Variants in SLC4A4 observed in about 807,000 individuals in gnomAD.
SLC4A4 encodes the protein electrogenic sodium bicarbonate cotransporter 1.
SLC4A4 carries 27 observed loss-of-function variants against 111.5 expected under a neutral mutation model. That is an observed-to-expected ratio of 0.24 (90% confidence interval 0.18 to 0.33). The LOEUF (loss-of-function observed/expected upper bound fraction) is 0.33. Among genes scored for constraint, SLC4A4 ranks in the 10% least tolerant of loss-of-function variants. SLC4A4 has a pLI of 1.00. For missense variants in SLC4A4, 909 were observed against 1,315.5 expected, an observed-to-expected ratio of 0.69 and a Z score of 4.78; for synonymous variants, 443 against 463.4, an observed-to-expected ratio of 0.96 and a Z score of 0.57.
At chr4:71,392,450 C>G (rs1274348537) in intron 6 of SLC4A4, among the ~76,000 whole-genome samples, 11 of 152,052 alleles carry the variant, frequency 7.2e-5, no homozygotes, top group Non-Finnish European at 2.9e-5. Context: ...AGTATAGATA[C>G]TGTTAAGATA....
chr4:71,307,319 A>G (rs917525024), intron 3 of SLC4A4, among the ~76,000 whole-genome samples: 4 of 152,142 alleles, frequency 2.6e-5, no homozygotes, highest in African/African-American at 9.7e-5. Flanking sequence ...CCTTCACCCC[A>G]TGCCTCACTG....
chr4:71,163,275 G>T (rs1182658419), intron 2 of SLC4A4, among the ~76,000 whole-genome samples: 2 of 152,186 alleles, frequency 1.3e-5, no homozygotes, highest in Non-Finnish European at 2.9e-5. Context: ...TGCACTTCAT[G>T]GTGTGTGGCA....
chr4:71,281,205 C>T (rs577696508), intron 3 of SLC4A4, among the ~76,000 whole-genome samples: 5 of 152,250 alleles, frequency 3.3e-5, no homozygotes, highest in South Asian at 2.1e-4. Flanking sequence ...AGATGCTAGA[C>T]GTTGTGTTTA....
chr4:71,326,385 T>C (rs189367369), intron 3 of SLC4A4, among the ~76,000 whole-genome samples: 4 of 152,076 alleles, frequency 2.6e-5, no homozygotes, highest in East Asian at 1.9e-4. Context: ...CTGTATGACA[T>C]TGAGTAATTT....
At chr4:71,414,762 A>G (rs776769998) in intron 7 of SLC4A4, among the ~76,000 whole-genome samples, 17 of 152,230 alleles carry the variant, frequency 1.1e-4, no homozygotes, top group Non-Finnish European at 2.1e-4. Context: ...TTTCTTTCCT[A>G]ATGGCAGCTG....
At chr4:71,317,075 CGT>C (rs3039073) in intron 3 of SLC4A4, among the ~76,000 whole-genome samples, 43,318 of 147,340 alleles carry the variant, frequency 0.29, 6,710 homozygotes, top group South Asian at 0.49. Context: ...TGTGTGTGTG[CGT>C]GTGTGTGTGT....
At chr4:71,237,874 A>C (rs184860456) in intron 2 of SLC4A4, among the ~76,000 whole-genome samples, 4 of 152,332 alleles carry the variant, frequency 2.6e-5, no homozygotes, top group Admixed American at 2.6e-4. Context: ...AACGGAAACT[A>C]CAGTATTTTC....
chr4:71,243,105 A>G (rs546196196), intron 2 of SLC4A4, among the ~76,000 whole-genome samples: 1 of 152,358 alleles, frequency 6.6e-6, no homozygotes, highest in Admixed American at 6.5e-5. Context: ...GGTAAAACGC[A>G]AATCTTGTCC....
chr4:71,500,041 C>A (rs549248528), intron 16 of SLC4A4, among the ~76,000 whole-genome samples: 1 of 152,246 alleles, frequency 6.6e-6, no homozygotes, highest in South Asian at 2.1e-4. Flanking sequence ...TTTACATTCC[C>A]ACCAACGGTG....
At chr4:71,341,973 T>G (rs1389445744) in intron 4 of SLC4A4, among the ~76,000 whole-genome samples, 1 of 152,156 alleles carries the variant, frequency 6.6e-6, no homozygotes, top group African/African-American at 2.4e-5. Context: ...AGACCTAATT[T>G]TTAAATACTT....
At chr4:71,276,570 T>C (rs1723082988) in intron 3 of SLC4A4, among the ~76,000 whole-genome samples, 1 of 152,196 alleles carries the variant, frequency 6.6e-6, no homozygotes. Flanking sequence ...TCTGCTTTTT[T>C]TTTTTTTAGA....
At chr4:71,397,432 G>T (rs1253152361) in intron 6 of SLC4A4, 145 bp from the exon 7 acceptor site, 2 of 763,552 alleles carry the variant, frequency 2.6e-6, no homozygotes, top group East Asian at 5.2e-5. Context: ...CTGGACTCTG[G>T]AAAACTCTTC....
chr4:71,236,066 C>T (rs1186905408), intron 1 of SLC4A4: 1 of 997,740 alleles, frequency 1.0e-6, no homozygotes, highest in African/African-American at 1.7e-5. Context: ...TCCCACTGTG[C>T]ACTAGCCTAC....
intron 14 of SLC4A4, among the ~76,000 whole-genome samples, chr4:71,476,456 G>A (rs1266743519): frequency 2.0e-5 from 3 of 151,738 alleles, no homozygotes; most frequent in East Asian, 1.9e-4. Context: ...GGGACAGTAT[G>A]TAACAGTGAA....
chr4:71,150,785 A>G (rs76177485), intron 2 of SLC4A4, among the ~76,000 whole-genome samples: 2,536 of 152,194 alleles, frequency 0.017, 74 homozygotes, highest in African/African-American at 0.057. Flanking sequence ...TTCTGGGACC[A>G]CTATCTCTCT....
chr4:71,315,108 A>G (rs760144701), intron 3 of SLC4A4, among the ~76,000 whole-genome samples: 9 of 152,136 alleles, frequency 5.9e-5, no homozygotes, highest in Non-Finnish European at 1.2e-4. Context: ...ATCAAGCTGA[A>G]CAGTAACTAT....
At chr4:71,492,921 T>C (rs1178411040) in intron 15 of SLC4A4, among the ~76,000 whole-genome samples, 1 of 151,984 alleles carries the variant, frequency 6.6e-6, no homozygotes, top group African/African-American at 2.4e-5. Flanking sequence ...ATACTTCCTT[T>C]TACTGGGTTA....
At chr4:71,175,772 A>T (rs368448909) in intron 2 of SLC4A4, among the ~76,000 whole-genome samples, 1 of 152,220 alleles carries the variant, frequency 6.6e-6, no homozygotes, top group African/African-American at 2.4e-5. Context: ...GCCAAACAAA[A>T]GGCAGCAGAA....
At chr4:71,386,618 A>T (rs1718744467) in intron 6 of SLC4A4, among the ~76,000 whole-genome samples, 1 of 151,938 alleles carries the variant, frequency 6.6e-6, no homozygotes, top group Non-Finnish European at 1.5e-5. Context: ...ATAATCTCAT[A>T]CATATAGGTT....
Sources: allele counts gnomAD v4.1 joint callset (sites outside exome capture counted in the v4.1 genomes callset), GRCh38; gene constraint gnomAD v4.1.1; transcripts MANE v1.5; gene names NCBI Gene and HGNC (gene_info 2026-07-23, HGNC 2026-07-21).